ASTN2: variants seen among roughly 807,000 people sequenced by gnomAD.
ASTN2 encodes astrotactin 2.
ASTN2 carries 54 observed loss-of-function variants against 139.8 expected under a neutral mutation model. The observed-to-expected ratio is 0.39, with a 90% CI of 0.31 to 0.48. ASTN2 has a LOEUF of 0.48. Ranked by LOEUF, ASTN2 falls within the 20% of genes least tolerant of loss-of-function variation. ASTN2 has a pLI of 0.95. For synonymous variants in ASTN2, 756 were observed against 719.5 expected (o/e 1.05, Z -0.81); for missense variants, 1,565 against 1,725.1 (o/e 0.91, Z 1.64).
At chr9:116,690,429 T>C (rs1860506972) in intron 16 of ASTN2, among the ~76,000 whole-genome samples, 1 of 152,222 alleles carries the variant, frequency 6.6e-6, no homozygotes. Context: ...AGAAGCCTTT[T>C]CCAACCCTTC....
At chr9:117,219,932 G>A (rs1426842340) in intron 2 of ASTN2, among the ~76,000 whole-genome samples, 1 of 152,172 alleles carries the variant, frequency 6.6e-6, no homozygotes, top group Non-Finnish European at 1.5e-5. Flanking sequence ...GGGGCATACA[G>A]GCCAGCATGA....
intron 5 of ASTN2, among the ~76,000 whole-genome samples, chr9:117,076,024 A>G (rs1166132215): frequency 6.6e-6 from 1 of 152,234 alleles, no homozygotes; most frequent in East Asian, 1.9e-4. Flanking sequence ...AGCCTGCTCC[A>G]TAGGCCCTGG....
At chr9:116,822,383 A>T (rs902391850) in intron 11 of ASTN2, among the ~76,000 whole-genome samples, 1 of 152,166 alleles carries the variant, frequency 6.6e-6, no homozygotes, top group Non-Finnish European at 1.5e-5. Flanking sequence ...GTGCTTAAAA[A>T]ATCAATTTTC....
intron 11 of ASTN2, among the ~76,000 whole-genome samples, chr9:116,842,769 G>A (rs960906974): frequency 2.6e-5 from 4 of 151,944 alleles, no homozygotes; most frequent in Non-Finnish European, 4.4e-5. Context: ...ATGCAAAAAG[G>A]ATTACAGGGA....
At chr9:117,371,066 C>T (rs1013843206) in intron 1 of ASTN2, among the ~76,000 whole-genome samples, 1 of 152,020 alleles carries the variant, frequency 6.6e-6, no homozygotes, top group African/African-American at 2.4e-5. Flanking sequence ...AAATTAAACC[C>T]AGCTGGATGT....
At chr9:116,485,385 G>A (rs1422101338) in intron 20 of ASTN2, among the ~76,000 whole-genome samples, 1 of 152,182 alleles carries the variant, frequency 6.6e-6, no homozygotes, top group Non-Finnish European at 1.5e-5. Context: ...GAAACCAGAA[G>A]CCATCTATCA....
chr9:116,783,284 TCCTTCCTTCCTTCCTC>T (rs141018658), intron 13 of ASTN2, among the ~76,000 whole-genome samples: 29,530 of 141,208 alleles, frequency 0.21, 3,326 homozygotes, highest in African/African-American at 0.25. Flanking sequence ...CTTCCTTCCT[TCCTTCCTTCCTTCCTC>T]CCTCCCTCCC....
intron 20 of ASTN2, among the ~76,000 whole-genome samples, chr9:116,465,992 T>G (rs1160649141): frequency 6.6e-6 from 1 of 152,208 alleles, no homozygotes; most frequent in East Asian, 1.9e-4. Flanking sequence ...TATTCATGAT[T>G]AAAACAAATG....
chr9:116,529,099 C>G (rs1469649452), intron 19 of ASTN2, among the ~76,000 whole-genome samples: 3 of 152,090 alleles, frequency 2.0e-5, no homozygotes, highest in Non-Finnish European at 4.4e-5. Context: ...CCTCCAGACC[C>G]CAGAATAGTA....
intron 17 of ASTN2, among the ~76,000 whole-genome samples, chr9:116,646,654 C>A (rs1045985570): frequency 6.6e-6 from 1 of 152,134 alleles, no homozygotes; most frequent in African/African-American, 2.4e-5. Flanking sequence ...GCTGTCATGA[C>A]ACTTTAAACA....
chr9:117,177,602 A>G (rs1421811961), intron 3 of ASTN2, among the ~76,000 whole-genome samples: 2 of 152,160 alleles, frequency 1.3e-5, no homozygotes, highest in Non-Finnish European at 2.9e-5. Context: ...CCACATTTTA[A>G]AAATCCTACT....
At position 117,014,138 on chromosome 9, in the gene ASTN2, A is replaced by G. The variant is rs115483594; in HGVS notation, c.1424-5879T>C. Among the ~76,000 whole-genome samples the G allele has an allele frequency of 3.8e-3, 577 of 152,214 alleles. 2 individuals carry two copies. Among genetic ancestry groups the G allele is most frequent in the African/African-American group, 0.013 (555 of 41,532 alleles). The stretch of plus-strand genomic sequence containing the variant: ...GGACCTGGGAGAAATGTCTTCCTGG[A>G]AACAAGATGAAAAACAAACTGTGTG... On this transcript the variant is annotated intron_variant, in intron 6 of 22. Transcript: ENST00000313400.
intron 10 of ASTN2, among the ~76,000 whole-genome samples, chr9:116,895,642 C>G (rs114048180): frequency 1.4e-3 from 207 of 152,266 alleles, no homozygotes; most frequent in African/African-American, 4.3e-3. Flanking sequence ...CTCCTATATT[C>G]AACAGGACAG....
intron 22 of ASTN2, among the ~76,000 whole-genome samples, chr9:116,436,162 A>C (rs1847643603): frequency 6.6e-6 from 1 of 152,140 alleles, no homozygotes. Context: ...TGAATCAATC[A>C]ATCAATGAAG....
intron 14 of ASTN2, among the ~76,000 whole-genome samples, chr9:116,733,042 A>G (rs559251418): frequency 1.3e-5 from 2 of 152,370 alleles, no homozygotes; most frequent in African/African-American, 4.8e-5. Context: ...ACGAACCAAG[A>G]AAACAAAATA....
chr9:117,134,529 C>T (rs369710522), intron 4 of ASTN2, among the ~76,000 whole-genome samples: 48 of 152,014 alleles, frequency 3.2e-4, no homozygotes, highest in African/African-American at 1.1e-3. Context: ...TCCCATCTTC[C>T]CACTGGCACC....
At chr9:116,471,062 T>C (rs1848797235) in intron 20 of ASTN2, among the ~76,000 whole-genome samples, 1 of 152,244 alleles carries the variant, frequency 6.6e-6, no homozygotes, top group Non-Finnish European at 1.5e-5. Context: ...ATTGATTTAA[T>C]ATCTGTGTAG....
intron 10 of ASTN2, among the ~76,000 whole-genome samples, chr9:116,951,337 C>CAAA (rs386416039): frequency 0.34 from 11,562 of 34,236 alleles, 3,738 homozygotes; most frequent in South Asian, 0.4. Flanking sequence ...AACTCTGTCT[C>CAAA]AAAAAAAAAA....
At chr9:117,105,356 A>G (rs1829076980) in intron 4 of ASTN2, among the ~76,000 whole-genome samples, 1 of 152,154 alleles carries the variant, frequency 6.6e-6, no homozygotes, top group Non-Finnish European at 1.5e-5. Flanking sequence ...TAGAAAGGCT[A>G]TGTGTAAGTG....
Sources: gnomAD v4.1 joint callset for allele counts (sites outside exome capture counted in the v4.1 genomes callset) on GRCh38, gnomAD v4.1.1 for gene constraint, MANE v1.5 for transcripts, NCBI Gene and HGNC (gene_info 2026-07-23, HGNC 2026-07-21) for gene names.